UTRN: variants seen among roughly 807,000 people sequenced by gnomAD.
The protein encoded by UTRN is utrophin.
A neutral mutation model predicts 463.9 loss-of-function variants in UTRN; 283 were observed. The ratio of observed to expected loss-of-function variants is 0.61; its 90% CI spans 0.55 to 0.67. UTRN has a LOEUF of 0.67. Among genes scored for constraint, UTRN ranks in the 30% least tolerant of loss-of-function variants. The pLI is 0.00. For missense variants in UTRN, 3,922 were observed against 4,084.3 expected (o/e 0.96, Z 1.08); for synonymous variants, 1,442 against 1,431.5 (o/e 1.01, Z -0.17).
intron 33 of UTRN, among the ~76,000 whole-genome samples, chr6:144,493,993 C>T (rs955598182): frequency 1.4e-4 from 22 of 152,108 alleles, no homozygotes; most frequent in African/African-American, 5.1e-4. Flanking sequence ...CAGAGTGAGA[C>T]ACTGTTTTTA....
intron 54 of UTRN, among the ~76,000 whole-genome samples, chr6:144,742,516 T>G (rs1324540953): frequency 6.6e-6 from 1 of 152,134 alleles, no homozygotes; most frequent in African/African-American, 2.4e-5. Flanking sequence ...GAGAGAGAGA[T>G]ATTGAGAGAG....
Position 144,678,416 on chromosome 6 carries a change from C to T in UTRN, c.7490C>T (p.Ala2497Val). The T allele has an allele frequency of 1.2e-6, 2 of 1,611,232 alleles. No individual in the cohort carries two copies. Among genetic ancestry groups the T allele is most frequent in the Non-Finnish European group, 1.7e-6 (2 of 1,178,296 alleles). Residue 2497 changes from alanine to valine, a missense_variant, in exon 52 of 75, where the codon GCA (alanine) becomes GTA (valine). This residue lies in a region of UTRN where 1,309 missense variants were observed against 1,452.6 expected (regional missense o/e 0.90). Transcript: ENST00000367545. ...CTTTTTTCTGTTTAGGACATCCAGG[C>T]AGAAATTGATGCCCACAATGACATA... ...ELKQQMQDIQ[A>V]EIDAHNDIFK...
chr6:144,754,239 C>T (rs1196103736), intron 56 of UTRN, among the ~76,000 whole-genome samples: 2 of 152,136 alleles, frequency 1.3e-5, no homozygotes, highest in Non-Finnish European at 2.9e-5. Flanking sequence ...TCACTGATCC[C>T]ATGACCACAT....
chr6:144,290,182 T>C (rs1804085632), intron 1 of UTRN, among the ~76,000 whole-genome samples: 1 of 152,238 alleles, frequency 6.6e-6, no homozygotes. Context: ...ATACCATAAT[T>C]AATGTTAAAG....
At chr6:144,443,051 GT>G (rs1018615553) in intron 13 of UTRN, among the ~76,000 whole-genome samples, 2 of 152,192 alleles carry the variant, frequency 1.3e-5, no homozygotes, top group African/African-American at 2.4e-5. Context: ...TTCAACAACA[GT>G]TTTGGAAACC....
chr6:144,774,595 A>G (rs2128734762), intron 60 of UTRN, among the ~76,000 whole-genome samples: 1 of 152,324 alleles, frequency 6.6e-6, no homozygotes, highest in Non-Finnish European at 1.5e-5. Context: ...ACCAAAACAC[A>G]GGAGTAATGT....
At chr6:144,387,925 A>G (rs1781552240) in intron 2 of UTRN, among the ~76,000 whole-genome samples, 1 of 152,210 alleles carries the variant, frequency 6.6e-6, no homozygotes, top group Non-Finnish European at 1.5e-5. Flanking sequence ...AGACCCGCAG[A>G]CAGACAGACC....
chr6:144,789,801 T>G (rs956505799), intron 62 of UTRN, among the ~76,000 whole-genome samples: 17 of 152,320 alleles, frequency 1.1e-4, no homozygotes, highest in African/African-American at 3.8e-4. Flanking sequence ...ATTTTACAGC[T>G]GTGACAAAAT....
intron 37 of UTRN, 42 bp downstream of exon 37, chr6:144,514,862 G>A: frequency 1.9e-6 from 3 of 1,579,182 alleles, no homozygotes; most frequent in Non-Finnish European, 2.6e-6. Context: ...TTTCCTATGG[G>A]TATGTATCTA....
intron 2 of UTRN, chr6:144,343,995 T>G: frequency 2.7e-6 from 1 of 370,894 alleles, no homozygotes; most frequent in South Asian, 3.7e-5. Context: ...GCCTAAGGAG[T>G]TTTCACTGAC....
At chr6:144,471,061 GGA>G (rs1491405150) in intron 23 of UTRN, among the ~76,000 whole-genome samples, 149 of 101,534 alleles carry the variant, frequency 1.5e-3, no homozygotes, top group African/African-American at 2.5e-3. Context: ...AGGGGGAGAG[GGA>G]GGGGGAGGGG....
At position 144,851,092 on chromosome 6, in the gene UTRN, G is replaced by T; in HGVS notation, c.*95G>T. 6.5e-7 allele frequency: 1 copy of T among 1,535,638 alleles called. No individual in the cohort carries two copies. Among genetic ancestry groups the T allele is most frequent in the South Asian group, 1.1e-5 (1 of 89,482 alleles). ...GTTCCATTAAATCAGAAGCTCCATG[G>T]CTCCTTGGCCCACGATGTTGAGTGC... On this transcript the variant is annotated 3_prime_UTR_variant, in exon 75 of 75. Coordinates refer to ENST00000367545, the MANE Select transcript of UTRN (RefSeq NM_007124.3).
At chr6:144,442,439 A>T (rs1253972444) in intron 13 of UTRN, among the ~76,000 whole-genome samples, 1 of 152,082 alleles carries the variant, frequency 6.6e-6, no homozygotes, top group Admixed American at 6.6e-5. Context: ...ACCCCACTCT[A>T]CTGGTACCGA....
chr6:144,764,095 A>G (rs999882477), intron 58 of UTRN, among the ~76,000 whole-genome samples: 1 of 152,196 alleles, frequency 6.6e-6, no homozygotes. Flanking sequence ...TTTACTGAAA[A>G]TAAATATTTA....
At chr6:144,807,886 G>A (rs958628463) in intron 65 of UTRN, among the ~76,000 whole-genome samples, 11 of 152,034 alleles carry the variant, frequency 7.2e-5, no homozygotes, top group Non-Finnish European at 1.2e-4. Context: ...AGATGAGCTC[G>A]TATCTGACTT....
intron 65 of UTRN, among the ~76,000 whole-genome samples, chr6:144,816,123 G>A (rs144458788): frequency 6.6e-6 from 1 of 152,256 alleles, no homozygotes; most frequent in East Asian, 1.9e-4. Flanking sequence ...CGAAAGTACT[G>A]AGCTGTACCA....
chr6:144,476,756 T>C (rs999369385), intron 25 of UTRN, among the ~76,000 whole-genome samples: 8 of 152,082 alleles, frequency 5.3e-5, no homozygotes, highest in Non-Finnish European at 8.8e-5. Context: ...GAAGGAGGCA[T>C]TTAATAACCT....
Position 144,748,291 on chromosome 6 carries a change from G to T in UTRN, c.7985G>T (p.Arg2662Leu), listed in dbSNP as rs753648615. 1.9e-6 allele frequency: 3 copies of T among 1,612,708 alleles called. No individual in the cohort carries two copies. The highest frequency in any genetic ancestry group is 2.5e-6 in the Non-Finnish European group (3 of 1,179,778). The change falls in exon 55 of 75, where the codon CGC (arginine) becomes CTC (leucine). Residue 2662 changes from arginine to leucine, a missense_variant. By Grantham distance (102) the Arg-to-Leu change is moderately radical. This residue lies in a region of UTRN where 1,309 missense variants were observed against 1,452.6 expected (regional missense o/e 0.90). Transcript: ENST00000367545. ...ERAQKIAKAM[R>L]KQSSEVKEKW... The stretch of plus-strand genomic sequence containing the variant: ...GCCCAAAAGATTGCCAAAGCCATGC[G>T]CAAACAGTCTTCTGAAGTCAAAGAA...
intron 2 of UTRN, chr6:144,398,857 G>A (rs569342594): frequency 8.1e-5 from 12 of 148,698 alleles, no homozygotes; most frequent in East Asian, 5.8e-4. Flanking sequence ...AAAACATATC[G>A]TTAAAAAAAA....
Sources: allele counts gnomAD v4.1 joint callset (sites outside exome capture counted in the v4.1 genomes callset), GRCh38; gene constraint gnomAD v4.1.1; regional missense constraint gnomAD v4.1.1; transcripts MANE v1.5; gene names NCBI Gene and HGNC (gene_info 2026-07-23, HGNC 2026-07-21).